The following ITGA5 variants were observed in gnomAD, a reference collection of about 807,000 sequenced individuals.
ITGA5 encodes the protein integrin alpha-5.
Under a neutral mutation model 146.3 loss-of-function variants are expected in ITGA5, and 55 were observed. The observed-to-expected ratio is 0.38, with a 90% CI of 0.30 to 0.47. The LOEUF is 0.47. Ranked by LOEUF, ITGA5 falls within the 20% of genes least tolerant of loss-of-function variation. The pLI is 0.99. For missense variants in ITGA5, 1,131 were observed against 1,329.0 expected (o/e 0.85, Z 2.32); for synonymous variants, 500 against 531.8 (o/e 0.94, Z 0.82).
At chr12:54,402,603 A>G (rs1955802129) in intron 19 of ITGA5, among the ~76,000 whole-genome samples, 1 of 151,906 alleles carries the variant, frequency 6.6e-6, no homozygotes, top group East Asian at 1.9e-4. Context: ...TGGGACGCTG[A>G]GGCAGAGAAT....
At chr12:54,402,588 C>T (rs530493206) in intron 19 of ITGA5, among the ~76,000 whole-genome samples, 1 of 152,022 alleles carries the variant, frequency 6.6e-6, no homozygotes, top group East Asian at 1.9e-4. Context: ...GTAATCCCAG[C>T]TACTTGGGAC....
Position 54,397,368 on chromosome 12 carries a change from G to A in ITGA5, c.3063C>T (p.Tyr1021=). ...LLLGLLIYIL[Y]KLGFFKRSLP... is the part of the protein sequence containing the mutation. ...TCACAAGCAGGATGTGGCTGACCTT[G>A]TAGAGGATGTAGATGAGTAGACCTA... The change falls in exon 29 of 30, where the codon TAC becomes TAT. Residue 1021 remains tyrosine (Y), a synonymous_variant. Transcript: ENST00000293379. 1.2e-6 allele frequency: 2 copies of A among 1,613,924 alleles called. No individual in the cohort carries two copies. Among genetic ancestry groups the A allele is most frequent in the Non-Finnish European group, 1.7e-6 (2 of 1,179,896 alleles).
At chr12:54,412,064 G>T in intron 1 of ITGA5, 100 bp from the exon 2 acceptor site, 1 of 950,238 alleles carries the variant, frequency 1.1e-6, no homozygotes, top group Non-Finnish European at 1.5e-6. Flanking sequence ...GGCTGGCTGG[G>T]GGTGGAGTAG....
chr12:54,407,707 G>T lies in ITGA5; in HGVS notation c.863-15C>A. ...AGCAACAAAGTCTGCAAAGAGAAGAGAAAGTTGTGACCTAAGGGTGGGGAA... is the reference window on the plus strand; with the variant it reads ...AGCAACAAAGTCTGCAAAGAGAAGATAAAGTTGTGACCTAAGGGTGGGGAA... On this transcript the variant is annotated splice_polypyrimidine_tract_variant and intron_variant, in intron 8 of 29. Transcript: ENST00000293379. 6.2e-7 allele frequency: 1 copy of T among 1,613,474 alleles called. No homozygotes were observed. Among genetic ancestry groups the T allele is most frequent in the Non-Finnish European group, 8.5e-7 (1 of 1,179,484 alleles).
intron 1 of ITGA5, among the ~76,000 whole-genome samples, chr12:54,418,186 G>A (rs1234353204): frequency 1.3e-5 from 2 of 152,012 alleles, no homozygotes; most frequent in African/African-American, 4.8e-5. Flanking sequence ...AGAGCCAGAG[G>A]AAGAGGGAAA....
At position 54,401,518 on chromosome 12, in the gene ITGA5, C is replaced by T; in HGVS notation, c.2388-40G>A. 1.9e-6 allele frequency: 3 copies of T among 1,571,820 alleles called. No individual in the cohort carries two copies. Among genetic ancestry groups the T allele is most frequent in the Non-Finnish European group, 2.6e-6 (3 of 1,151,422 alleles). ...GGTTTAGAGGAGGGTGGAAGGAACC[C>T]CATATGCATCCTTCCCTAGAAGTCT... On this transcript the variant is annotated intron_variant, in intron 23 of 29. Coordinates refer to ENST00000293379, the MANE Select transcript of ITGA5 (RefSeq NM_002205.5). The surrounding 1 kb of genome is among the most constrained non-coding windows in gnomAD (Gnocchi z 5.0).
In ITGA5 at chr12:54,403,407, T is replaced by C; in HGVS notation, c.1777-83A>G. 6.9e-7 allele frequency: 1 copy of C among 1,444,776 alleles called. No homozygotes were observed. Among genetic ancestry groups the C allele is most frequent in the East Asian group, 2.4e-5 (1 of 42,496 alleles). 89.5% of individuals were successfully genotyped at this position (1,444,776 alleles called of 1,614,324 possible). A position where few individuals can be genotyped will look rare whatever the true frequency, so the allele number is the denominator to read the frequency against. ...GCTCCTCAGCCTCTCTCATCTCCCT[T>C]TGTCTGCTTAGGGCCCAATTCCGAC... On this transcript the variant is annotated intron_variant, in intron 17 of 29. Coordinates refer to ENST00000293379, the MANE Select transcript of ITGA5 (RefSeq NM_002205.5). This position sits in a 1 kb window ranked among gnomAD's most constrained non-coding sequence, Gnocchi z 4.9.
At chr12:54,411,788 G>C in intron 2 of ITGA5, 46 bp downstream of exon 2, 1 of 1,419,048 alleles carries the variant, frequency 7.0e-7, no homozygotes, top group Non-Finnish European at 9.3e-7. Context: ...TTGCCCCCAG[G>C]CTGCAGTCCC....
chr12:54,415,838 A>T (rs1956000643), intron 1 of ITGA5, among the ~76,000 whole-genome samples: 1 of 152,190 alleles, frequency 6.6e-6, no homozygotes, highest in South Asian at 2.1e-4. Flanking sequence ...TGGCTGGGGA[A>T]GAACAGCTGT....
Position 54,403,170 on chromosome 12 carries a change from C to T in ITGA5, c.1914+17G>A, listed in dbSNP as rs376636393. ...GCCTCTGTCTTCCCAGGTCCCTTCT[C>T]CCTGCCCTGTCCTCACCTTGTCCTC... is the stretch of plus-strand genomic sequence containing the variant. On this transcript the variant is annotated intron_variant, in intron 18 of 29. Coordinates refer to ENST00000293379, the MANE Select transcript of ITGA5 (RefSeq NM_002205.5). The surrounding 1 kb of genome is among the most constrained non-coding windows in gnomAD (Gnocchi z 4.9). 6.4e-7 allele frequency: 1 copy of T among 1,574,248 alleles called. No homozygotes were observed. Among genetic ancestry groups the T allele is most frequent in the African/African-American group, 1.4e-5 (1 of 73,458 alleles).
chr12:54,407,535 G>T lies in ITGA5; in HGVS notation c.906+114C>A, dbSNP rs1369267875. The T allele has an allele frequency of 4.8e-6, 4 of 826,816 alleles. No individual in the cohort carries two copies. In the East Asian group the frequency reaches 7.5e-5, roughly 15 times the overall value. 51.2% of individuals were successfully genotyped at this position (826,816 alleles called of 1,614,324 possible). On this transcript the variant is annotated intron_variant, in intron 9 of 29. Coordinates refer to ENST00000293379, the MANE Select transcript of ITGA5 (RefSeq NM_002205.5). ...AGTGCCAGAACTTGAATGCCAGTCTGCCTCCAGAGCCCATGTTCTGATCCA... is the reference window on the plus strand; with the variant it reads ...AGTGCCAGAACTTGAATGCCAGTCTTCCTCCAGAGCCCATGTTCTGATCCA...
At position 54,408,914 on chromosome 12, in the gene ITGA5, G is replaced by A; in HGVS notation, c.624C>T (p.Gly208=). Residue 208 remains glycine, a synonymous_variant, in exon 5 of 30, where the codon GGC becomes GGT. Coordinates refer to ENST00000293379, the MANE Select transcript of ITGA5 (RefSeq NM_002205.5). ...WAAGQGYCQG[G]FSAEFTKTGR... ...TCACCTTGGTGAACTCGGCACTGAAGCCTCCTTGGCAGTAACCCTGTCCTG... is the reference window on the plus strand; with the variant it reads ...TCACCTTGGTGAACTCGGCACTGAAACCTCCTTGGCAGTAACCCTGTCCTG... 1 of 1,614,116 alleles carries A rather than the reference G, an allele frequency of 6.2e-7. No individual in the cohort carries two copies. Among genetic ancestry groups the A allele is most frequent in the Non-Finnish European group, 8.5e-7 (1 of 1,180,016 alleles).
rs766662163 is a variant in ITGA5, at chr12:54,408,183, C to A, written c.744G>T (p.Glu248Asp). ...QEQIAESYYP[E>D]YLINLVQGQL... ...GCCCCTGAACCAGGTTGATCAGGTACTCGGGGTAATAAGATTCTGCAATCT... is the reference window on the plus strand; with the variant it reads ...GCCCCTGAACCAGGTTGATCAGGTAATCGGGGTAATAAGATTCTGCAATCT... The change falls in exon 7 of 30, where the codon GAG (glutamate) becomes GAT (aspartate). Residue 248 changes from glutamate (E) to aspartate (D), a missense_variant. By Grantham distance (45) the Glu-to-Asp change is conservative (BLOSUM62 2). This residue lies in a region of ITGA5 where 889 missense variants were observed against 1,021.5 expected (regional missense o/e 0.87). Coordinates refer to ENST00000293379, the MANE Select transcript of ITGA5 (RefSeq NM_002205.5). The A allele has an allele frequency of 3.7e-6, 6 of 1,614,024 alleles. No individual in the cohort carries two copies. Among genetic ancestry groups the A allele is most frequent in the Non-Finnish European group, 5.1e-6 (6 of 1,180,044 alleles).
chr12:54,415,968 A>G (rs1956002776), intron 1 of ITGA5, among the ~76,000 whole-genome samples: 1 of 152,250 alleles, frequency 6.6e-6, no homozygotes, highest in South Asian at 2.1e-4. Flanking sequence ...ATTCTCTGGC[A>G]TAAAATGATG....
At chr12:54,405,569 C>T (rs1016388612) in intron 11 of ITGA5, 95 bp downstream of exon 11, 1 of 1,224,156 alleles carries the variant, frequency 8.2e-7, no homozygotes, top group Non-Finnish European at 1.2e-6. Context: ...GAGAAAAAGC[C>T]CTGGAGAAAC....
chr12:54,418,811 C>T (rs1289452024), intron 1 of ITGA5, among the ~76,000 whole-genome samples, 170 bp downstream of exon 1: 2 of 152,048 alleles, frequency 1.3e-5, no homozygotes, highest in Non-Finnish European at 2.9e-5. Context: ...ACGGTGCCCT[C>T]CCTACTCCAG....
Position 54,398,634 on chromosome 12 carries a change from C to G in ITGA5, c.2906G>C (p.Arg969Pro). ...TTGGGGCAGCTGCCGAGGCAGGATT[C>G]GGTAGGGCATCTTCAGGGCTTTGTA... ...AVYKALKMPYRILPRQLPQKE... is the reference protein window; with the variant it reads ...AVYKALKMPYPILPRQLPQKE... Residue 969 changes from arginine to proline, a missense_variant, in exon 28 of 30, where the codon CGA (arginine) becomes CCA (proline). Transcript: ENST00000293379. The G allele has an allele frequency of 1.9e-6, 3 of 1,611,016 alleles. No homozygotes were observed. Among genetic ancestry groups the G allele is most frequent in the Non-Finnish European group, 2.5e-6 (3 of 1,178,868 alleles).
At chr12:54,399,512 G>T in intron 27 of ITGA5, 133 bp downstream of exon 27, 1 of 678,182 alleles carries the variant, frequency 1.5e-6, no homozygotes, top group South Asian at 1.7e-5. Context: ...GTCTAGACAA[G>T]GGCAAGGAAG....
rs148483027 is a variant in ITGA5, at chr12:54,403,296, G to T, written c.1805C>A (p.Ser602Ter). Residue 602 changes from serine to a stop codon, truncating the protein, a stop_gained, in exon 18 of 30, where the codon TCG (serine) becomes TAG (stop). Coordinates refer to ENST00000293379, the MANE Select transcript of ITGA5 (RefSeq NM_002205.5). LOFTEE classifies it high-confidence loss of function. The surrounding 1 kb of genome is among the most constrained non-coding windows in gnomAD (Gnocchi z 4.9). ...RNESEFRDKL[S>*]PIHIALNFSL... is the part of the protein sequence containing the mutation. ...GAAGTTGAGAGCGATGTGAATCGGC[G>T]AGAGTTTGTCTCGAAATTCTGACTC... 6.5e-7 allele frequency: 1 copy of T among 1,542,096 alleles called. No individual in the cohort carries two copies. Among genetic ancestry groups the T allele is most frequent in the African/African-American group, 1.4e-5 (1 of 72,264 alleles).
Sources: gnomAD v4.1 joint callset for allele counts (sites outside exome capture counted in the v4.1 genomes callset) on GRCh38, gnomAD v4.1.1 for gene constraint, gnomAD v4.1.1 regional missense constraint, Gnocchi (gnomAD v3.1) non-coding constraint, MANE v1.5 for transcripts, NCBI Gene and HGNC (gene_info 2026-07-23, HGNC 2026-07-21) for gene names.